Variants in GALNT13 observed in about 807,000 individuals in gnomAD.
The protein encoded by GALNT13 is UDP-GalNAc:polypeptide N-acetylgalactosaminyltransferase 13.
GALNT13 carries 28 observed loss-of-function variants against 64.2 expected under a neutral mutation model. That is an observed-to-expected ratio of 0.44 (90% CI 0.32 to 0.60). The LOEUF (loss-of-function observed/expected upper bound fraction) is 0.60. Ranked by LOEUF, GALNT13 falls within the 20% of genes least tolerant of loss-of-function variation. GALNT13 has a pLI of 0.05. For synonymous variants in GALNT13, 214 were observed against 224.6 expected (o/e 0.95, Z 0.42); for missense variants, 577 against 669.8 (o/e 0.86, Z 1.53).
chr2:153,324,727 C>T, the GALNT13 span, among the ~76,000 whole-genome samples: 1 of 152,164 alleles, frequency 6.6e-6, no homozygotes, highest in Non-Finnish European at 1.5e-5. Context: ...TTTTCTGCAT[C>T]TATTGAGATA....
the GALNT13 span, among the ~76,000 whole-genome samples, chr2:153,861,090 T>C: frequency 1.3e-5 from 2 of 152,280 alleles, no homozygotes; most frequent in Middle Eastern, 3.4e-3. Context: ...GGATCCAACT[T>C]AAGCCTCTTT....
At chr2:153,521,681 C>G in the GALNT13 span, among the ~76,000 whole-genome samples, 2 of 152,120 alleles carry the variant, frequency 1.3e-5, no homozygotes, top group African/African-American at 2.4e-5. Context: ...CAAAATCATC[C>G]GTATTCTGCC....
At chr2:153,913,325 G>A (rs897466291) in intron 2 of GALNT13, among the ~76,000 whole-genome samples, 1 of 152,126 alleles carries the variant, frequency 6.6e-6, no homozygotes, top group African/African-American at 2.4e-5. Context: ...CAACAGCAGT[G>A]GTATAGCAGG....
At chr2:153,470,459 A>G in the GALNT13 span, among the ~76,000 whole-genome samples, 1 of 152,142 alleles carries the variant, frequency 6.6e-6, no homozygotes, top group South Asian at 2.1e-4. Context: ...GAGTTCTCCC[A>G]GGAAAAAAAT....
chr2:153,152,246 C>G, the GALNT13 span, among the ~76,000 whole-genome samples: 5 of 152,030 alleles, frequency 3.3e-5, no homozygotes, highest in South Asian at 1.0e-3. Flanking sequence ...TAGCAAATCT[C>G]ATGAAGGAAA....
At chr2:153,101,215 T>C in the GALNT13 span, among the ~76,000 whole-genome samples, 2 of 152,308 alleles carry the variant, frequency 1.3e-5, no homozygotes, top group South Asian at 2.1e-4. Context: ...GAATCTTATA[T>C]TGGTGAATTA....
chr2:153,978,722 G>T (rs1694245687), intron 3 of GALNT13, among the ~76,000 whole-genome samples: 2 of 151,928 alleles, frequency 1.3e-5, no homozygotes, highest in South Asian at 2.1e-4. Flanking sequence ...CCCAGTTTTG[G>T]GTATGTCTTT....
chr2:154,261,833 G>A (rs2105906013), intron 8 of GALNT13, among the ~76,000 whole-genome samples: 1 of 152,202 alleles, frequency 6.6e-6, no homozygotes, highest in African/African-American at 2.4e-5. Flanking sequence ...GTAAAAAGGT[G>A]ATTATAATAA....
the GALNT13 span, among the ~76,000 whole-genome samples, chr2:153,277,923 C>CTTTTTTTTTTTTGTTTTTTTT: frequency 1.3e-5 from 1 of 78,954 alleles, no homozygotes; most frequent in African/African-American, 5.3e-5. Flanking sequence ...GTTTTCTTTT[C>CTTTTTTTTTTTTGTTTTTTTT]TTTCTTTTTT....
intron 8 of GALNT13, chr2:154,287,232 A>C: frequency 1.8e-6 from 2 of 1,132,324 alleles, no homozygotes; most frequent in Non-Finnish European, 2.6e-6. Context: ...CATCAGAAGA[A>C]GGCAGCCATC....
At chr2:153,898,722 T>G (rs1688036652) in intron 1 of GALNT13, among the ~76,000 whole-genome samples, 1 of 151,970 alleles carries the variant, frequency 6.6e-6, no homozygotes, top group South Asian at 2.1e-4. Context: ...CATATATAGA[T>G]TGAAATAAGA....
chr2:154,125,302 T>A (rs1421388829), intron 3 of GALNT13, among the ~76,000 whole-genome samples: 1 of 152,080 alleles, frequency 6.6e-6, no homozygotes, highest in East Asian at 1.9e-4. Flanking sequence ...GAGGTAGAGC[T>A]ATGGAATATG....
chr2:154,386,713 A>C (rs537243053), intron 9 of GALNT13, among the ~76,000 whole-genome samples: 3 of 152,090 alleles, frequency 2.0e-5, no homozygotes, highest in Non-Finnish European at 4.4e-5. Flanking sequence ...CAGACTGTTC[A>C]GTCTGTGTTT....
At chr2:153,398,318 A>G in the GALNT13 span, among the ~76,000 whole-genome samples, 1 of 152,134 alleles carries the variant, frequency 6.6e-6, no homozygotes, top group Admixed American at 6.5e-5. Flanking sequence ...AATCCAGTCT[A>G]TCATTGTTGG....
the GALNT13 span, chr2:153,421,643 C>T: frequency 2.6e-5 from 7 of 266,114 alleles, no homozygotes; most frequent in East Asian, 9.8e-5. Context: ...TTGCCAATGT[C>T]GTGATGCCCC....
chr2:153,807,843 C>G, the GALNT13 span, among the ~76,000 whole-genome samples: 8 of 152,038 alleles, frequency 5.3e-5, no homozygotes, highest in African/African-American at 1.7e-4. Flanking sequence ...TTTTTGTTTA[C>G]TGTGAGTTCA....
At chr2:153,638,673 A>T in the GALNT13 span, among the ~76,000 whole-genome samples, 1 of 152,050 alleles carries the variant, frequency 6.6e-6, no homozygotes. Flanking sequence ...GCCCAACCCT[A>T]ATCCTGACCT....
At chr2:153,411,163 A>ATATG in the GALNT13 span, among the ~76,000 whole-genome samples, 3 of 58,962 alleles carry the variant, frequency 5.1e-5, no homozygotes, top group Non-Finnish European at 1.4e-4. Context: ...GCATATATGT[A>ATATG]TATATATATA....
At chr2:153,338,232 G>C in the GALNT13 span, among the ~76,000 whole-genome samples, 2 of 152,124 alleles carry the variant, frequency 1.3e-5, no homozygotes, top group Non-Finnish European at 2.9e-5. Context: ...GATTGAGGCT[G>C]CAGTGAGCTA....
Sources: gnomAD v4.1 joint callset for allele counts (sites outside exome capture counted in the v4.1 genomes callset) on GRCh38, gnomAD v4.1.1 for gene constraint, MANE v1.5 for transcripts, NCBI Gene and HGNC (gene_info 2026-07-23, HGNC 2026-07-21) for gene names.